Variants in AGTPBP1 observed in about 807,000 individuals in gnomAD.
The protein encoded by AGTPBP1 is cytosolic carboxypeptidase 1.
Under a neutral mutation model 143.9 loss-of-function variants are expected in AGTPBP1, and 70 were observed. The ratio of observed to expected loss-of-function variants is 0.49; its 90% CI spans 0.40 to 0.59. The LOEUF (loss-of-function observed/expected upper bound fraction) is 0.59, where lower values mean the gene tolerates loss of function less well. Among genes scored for constraint, AGTPBP1 ranks in the 20% least tolerant of loss-of-function variants. The probability of loss-of-function intolerance (pLI) is 0.00; values close to 1 mark genes in which losing one functional copy is unlikely to be tolerated. For missense variants in AGTPBP1, 1,229 were observed against 1,464.5 expected, an observed-to-expected ratio of 0.84 and a Z score of 2.62; for synonymous variants, 463 against 500.2, an observed-to-expected ratio of 0.93 and a Z score of 0.99.
At chr9:85,760,483 G>A in the AGTPBP1 span, among the ~76,000 whole-genome samples, 1 of 152,174 alleles carries the variant, frequency 6.6e-6, no homozygotes, top group East Asian at 1.9e-4. Context: ...ATCAATAAAT[G>A]TAATCAAGCA....
At chr9:85,605,454 G>T (rs1829935009) in intron 17 of AGTPBP1, among the ~76,000 whole-genome samples, 1 of 152,050 alleles carries the variant, frequency 6.6e-6, no homozygotes, top group African/African-American at 2.4e-5. Context: ...AAAGCTGAGG[G>T]AATTCATCAA....
the AGTPBP1 span, among the ~76,000 whole-genome samples, chr9:85,759,647 T>C: frequency 2.0e-5 from 3 of 152,026 alleles, no homozygotes; most frequent in Non-Finnish European, 2.9e-5. Context: ...TTTACAGCAC[T>C]AAATGCCCAC....
At chr9:85,800,890 C>T in the AGTPBP1 span, among the ~76,000 whole-genome samples, 3 of 151,792 alleles carry the variant, frequency 2.0e-5, no homozygotes, top group Non-Finnish European at 4.4e-5. Context: ...CCCTAGCAAT[C>T]TTATATAACA....
intron 25 of AGTPBP1, 37 bp from the exon 26 acceptor site, chr9:85,547,323 G>A (rs1825790418): frequency 1.3e-6 from 2 of 1,543,328 alleles, no homozygotes; most frequent in African/African-American, 1.4e-5. Context: ...AAGACTTTGT[G>A]AGGTCTTAAG....
upstream of AGTPBP1, among the ~76,000 whole-genome samples, chr9:85,742,559 T>C (rs1824434804): frequency 2.6e-5 from 4 of 152,162 alleles, no homozygotes. Flanking sequence ...TTGCACCTTG[T>C]GGCCAAATCT....
chr9:85,725,808 G>A (rs1169803747), intron 1 of AGTPBP1, among the ~76,000 whole-genome samples: 1 of 152,030 alleles, frequency 6.6e-6, no homozygotes, highest in Non-Finnish European at 1.5e-5. Flanking sequence ...CACTTTGGGA[G>A]GCCAAGGCGG....
chr9:85,767,180 C>CTTTTT, the AGTPBP1 span, among the ~76,000 whole-genome samples: 18 of 116,450 alleles, frequency 1.5e-4, no homozygotes, highest in Middle Eastern at 5.2e-3. Flanking sequence ...TGAGAACATA[C>CTTTTT]TTTTTTTTTT....
intron 17 of AGTPBP1, among the ~76,000 whole-genome samples, chr9:85,615,522 G>GT (rs1487479934): frequency 3.9e-5 from 6 of 152,072 alleles, no homozygotes; most frequent in African/African-American, 1.2e-4. Context: ...CATGGGGAAA[G>GT]TTTTTTTACA....
At chr9:85,567,040 T>A (rs956330060) in intron 25 of AGTPBP1, among the ~76,000 whole-genome samples, 3 of 152,194 alleles carry the variant, frequency 2.0e-5, no homozygotes, top group Admixed American at 1.3e-4. Flanking sequence ...GTTAGTATCA[T>A]GCTACCATAA....
chr9:85,579,150 T>C, intron 23 of AGTPBP1, 54 bp from the exon 24 acceptor site: 1 of 1,509,912 alleles, frequency 6.6e-7, no homozygotes, highest in Non-Finnish European at 8.8e-7. Flanking sequence ...TAATTTTAAA[T>C]GTTTTTAATT....
At chr9:85,558,035 G>A (rs1190937397) in intron 25 of AGTPBP1, among the ~76,000 whole-genome samples, 1 of 152,118 alleles carries the variant, frequency 6.6e-6, no homozygotes, top group African/African-American at 2.4e-5. Flanking sequence ...TTTTAAAAAT[G>A]TTAAAACAAA....
intron 25 of AGTPBP1, among the ~76,000 whole-genome samples, chr9:85,563,985 C>T (rs1826912674): frequency 6.6e-6 from 1 of 152,248 alleles, no homozygotes; most frequent in African/African-American, 2.4e-5. Context: ...CCCCAGAATT[C>T]ACCAGCCTGG....
chr9:85,694,269 T>C (rs1213915508), intron 2 of AGTPBP1, among the ~76,000 whole-genome samples: 1 of 152,170 alleles, frequency 6.6e-6, no homozygotes, highest in African/African-American at 2.4e-5. Flanking sequence ...AAGTACTTGC[T>C]TTCTCTTTCA....
At chr9:85,567,640 G>A (rs143506523) in intron 25 of AGTPBP1, among the ~76,000 whole-genome samples, 1 of 152,110 alleles carries the variant, frequency 6.6e-6, no homozygotes, top group East Asian at 1.9e-4. Flanking sequence ...ACAAAAAAGA[G>A]CAAATTAGAT....
chr9:85,627,267 C>A (rs1831361508), intron 14 of AGTPBP1, among the ~76,000 whole-genome samples: 1 of 152,120 alleles, frequency 6.6e-6, no homozygotes, highest in African/African-American at 2.4e-5. Context: ...CGCACACACA[C>A]ACACAGAGTG....
intron 3 of AGTPBP1, 56 bp from the exon 4 acceptor site, chr9:85,681,391 GT>G (rs1376489126): frequency 6.8e-7 from 1 of 1,466,828 alleles, no homozygotes; most frequent in East Asian, 2.3e-5. Flanking sequence ...AGTATGTATA[GT>G]TTTGTTGCAT....
intron 17 of AGTPBP1, among the ~76,000 whole-genome samples, chr9:85,608,490 A>T: frequency 6.6e-6 from 1 of 152,082 alleles, no homozygotes; most frequent in East Asian, 1.9e-4. Context: ...TCTCATCCTG[A>T]TACAGATGAA....
intron 25 of AGTPBP1, among the ~76,000 whole-genome samples, chr9:85,570,794 T>A (rs1827409349): frequency 6.6e-6 from 1 of 152,150 alleles, no homozygotes; most frequent in African/African-American, 2.4e-5. Flanking sequence ...ACACTGAGAT[T>A]ACAAAAATAA....
chr9:85,749,285 A>G, the AGTPBP1 span, among the ~76,000 whole-genome samples: 1 of 152,076 alleles, frequency 6.6e-6, no homozygotes, highest in African/African-American at 2.4e-5. Flanking sequence ...ACAAGCCACC[A>G]CACCTTGCCA....
Sources: gnomAD v4.1 joint callset for allele counts (sites outside exome capture counted in the v4.1 genomes callset) on GRCh38, gnomAD v4.1.1 for gene constraint, MANE v1.5 for transcripts, NCBI Gene and HGNC (gene_info 2026-07-23, HGNC 2026-07-21) for gene names.